The following PZP variants were observed in gnomAD, a reference collection of about 807,000 sequenced individuals.
PZP encodes pregnancy zone protein.
In PZP, 150 loss-of-function variants were observed where a neutral mutation model predicts 179.8. The observed-to-expected ratio is 0.83, with a 90% CI of 0.73 to 0.96. The LOEUF (loss-of-function observed/expected upper bound fraction) is 0.96. PZP is among the 40% of genes least tolerant of loss of function. PZP has a pLI of 0.00. For synonymous variants in PZP, 624 were observed against 652.3 expected (o/e 0.96, Z 0.66); for missense variants, 1,689 against 1,764.0 (o/e 0.96, Z 0.76).
At chr12:9,158,700 G>T in intron 25 of PZP, 124 bp from the exon 26 acceptor site, 7 of 834,044 alleles carry the variant, frequency 8.4e-6, no homozygotes, top group Non-Finnish European at 1.2e-5. Context: ...GTTACTGAGA[G>T]TTTGGAGACT....
In PZP at chr12:9,150,855, G is replaced by A. The variant is rs1227607643; in HGVS notation, c.4282-109C>T. 4 of 712,332 alleles carry A rather than the reference G, an allele frequency of 5.6e-6. No individual in the cohort carries two copies. In the Admixed American group the frequency reaches 7.9e-5, roughly 14 times the overall value. 44.1% of individuals were successfully genotyped at this position (712,332 alleles called of 1,614,324 possible). On this transcript the variant is annotated intron_variant, in intron 33 of 35. Coordinates refer to ENST00000261336, the MANE Select transcript of PZP (RefSeq NM_002864.3). ...GACTCTTTTTCACCAGTGTCTTTAG[G>A]TGACCAGACATTTGTGGATGTCAAG... is the stretch of plus-strand genomic sequence containing the variant.
At chr12:9,171,194 C>G (rs1941973928) in intron 15 of PZP, among the ~76,000 whole-genome samples, 1 of 152,138 alleles carries the variant, frequency 6.6e-6, no homozygotes, top group South Asian at 2.1e-4. Context: ...GGTGATACTT[C>G]CACGTACGGG....
intron 27 of PZP, 98 bp downstream of exon 27, chr12:9,157,669 A>G: frequency 9.1e-7 from 1 of 1,104,970 alleles, no homozygotes; most frequent in Admixed American, 2.0e-5. Context: ...TCATCATTGA[A>G]CCAAAAGATA....
chr12:9,156,020 T>C (rs1940729977), intron 28 of PZP: 1 of 177,162 alleles, frequency 5.6e-6, no homozygotes, highest in East Asian at 1.6e-4. Flanking sequence ...TCTTGACCTT[T>C]TGGCTAAGAT....
intron 33 of PZP, 74 bp downstream of exon 33, chr12:9,151,530 G>T: frequency 8.1e-7 from 1 of 1,235,790 alleles, no homozygotes; most frequent in Non-Finnish European, 1.2e-6. Flanking sequence ...TCATGTTACC[G>T]ACTATTCTAG....
At chr12:9,197,246 A>G in intron 7 of PZP, 123 bp from the exon 8 acceptor site, 2 of 630,504 alleles carry the variant, frequency 3.2e-6, no homozygotes. Context: ...GTGCCCACCA[A>G]GTAGAAAGCT....
intron 28 of PZP, among the ~76,000 whole-genome samples, chr12:9,155,183 T>C (rs894217597): frequency 1.3e-5 from 2 of 152,228 alleles, no homozygotes; most frequent in African/African-American, 4.8e-5. Context: ...GACTAGAATA[T>C]AAAACTTAAC....
intron 11 of PZP, among the ~76,000 whole-genome samples, chr12:9,193,543 C>T (rs1013888921): frequency 1.3e-5 from 2 of 152,142 alleles, no homozygotes; most frequent in African/African-American, 4.8e-5. Context: ...AACATCATTA[C>T]ATGTTTTTAA....
At chr12:9,197,150 T>C in intron 7 of PZP, 27 bp from the exon 8 acceptor site, 5 of 1,479,752 alleles carry the variant, frequency 3.4e-6, no homozygotes, top group Non-Finnish European at 3.8e-6. Flanking sequence ...AAATCAGGAA[T>C]TGAGAATGGC....
chr12:9,152,433 T>C (rs1940427977), intron 31 of PZP, 123 bp from the exon 32 acceptor site: 1 of 725,010 alleles, frequency 1.4e-6, no homozygotes, highest in Middle Eastern at 3.1e-4. Context: ...TCTACAAAGG[T>C]CTGTGTTCCC....
the PZP span, among the ~76,000 whole-genome samples, chr12:9,143,382 G>A: frequency 6.6e-6 from 1 of 152,138 alleles, no homozygotes. Flanking sequence ...GAAGAGTGGA[G>A]TTTGGGGCTG....
In PZP at chr12:9,208,065, G is replaced by A. The variant is rs748987319; in HGVS notation, c.83+194C>T. ...CTAATCGTATTTATGACTCTGATTG[G>A]CCCAGTGTAGAAAAAATGATTTCAA... On this transcript the variant is annotated intron_variant, in intron 1 of 35. Coordinates refer to ENST00000261336, the MANE Select transcript of PZP (RefSeq NM_002864.3). Among the ~76,000 whole-genome samples the A allele has an allele frequency of 2.6e-5, 4 of 152,152 alleles. No individual in the cohort carries two copies. The East Asian group carries it at 5.8e-4, about 22-fold the overall frequency.
chr12:9,152,701 T>C (rs779710453), intron 31 of PZP, 123 bp downstream of exon 31: 1 of 1,028,642 alleles, frequency 9.7e-7, no homozygotes, highest in African/African-American at 1.6e-5. Flanking sequence ...TAAATTCATT[T>C]ATAGATATAT....
intron 15 of PZP, 138 bp downstream of exon 15, chr12:9,180,845 C>T (rs759522227): frequency 3.0e-5 from 24 of 792,088 alleles, no homozygotes; most frequent in Non-Finnish European, 4.1e-5. Flanking sequence ...AAAGAAACTA[C>T]CATCAGAGTG....
chr12:9,174,185 A>G (rs1565642499), intron 15 of PZP, among the ~76,000 whole-genome samples: 1 of 152,234 alleles, frequency 6.6e-6, no homozygotes, highest in Admixed American at 6.5e-5. Context: ...ACACAAATCA[A>G]TAAGTGCGAT....
At chr12:9,138,884 CA>C in the PZP span, among the ~76,000 whole-genome samples, 9 of 150,724 alleles carry the variant, frequency 6.0e-5, no homozygotes, top group African/African-American at 2.2e-4. Flanking sequence ...TTATTTTTTT[CA>C]AAAAACCCAC....
At chr12:9,197,584 A>AAT (rs1943866380) in intron 7 of PZP, among the ~76,000 whole-genome samples, 1 of 97,184 alleles carries the variant, frequency 1.0e-5, no homozygotes, top group Non-Finnish European at 1.9e-5. Flanking sequence ...TATATGACAT[A>AAT]ATATAATATA....
downstream of PZP, among the ~76,000 whole-genome samples, chr12:9,146,030 T>C (rs1402382026): frequency 6.6e-6 from 1 of 152,202 alleles, no homozygotes; most frequent in East Asian, 1.9e-4. Flanking sequence ...GGGTTCATCT[T>C]ACTTAGTTAT....
At chr12:9,139,242 C>T in the PZP span, among the ~76,000 whole-genome samples, 1 of 151,974 alleles carries the variant, frequency 6.6e-6, no homozygotes, top group African/African-American at 2.4e-5. Context: ...TTCCAGTCTT[C>T]CTTCTGTTAT....
Sources: allele counts gnomAD v4.1 joint callset (sites outside exome capture counted in the v4.1 genomes callset), GRCh38; gene constraint gnomAD v4.1.1; transcripts MANE v1.5; gene names NCBI Gene and HGNC (gene_info 2026-07-23, HGNC 2026-07-21).